Variants in KIAA0586 observed in about 807,000 individuals in gnomAD.
The protein encoded by KIAA0586 is protein TALPID3.
KIAA0586 carries 144 observed loss-of-function variants against 169.8 expected under a neutral mutation model. The observed-to-expected ratio is 0.85, with a 90% CI of 0.74 to 0.97. KIAA0586 has a LOEUF of 0.97. Among genes scored for constraint, KIAA0586 ranks in the 50% least tolerant of loss-of-function variants. The probability of loss-of-function intolerance (pLI) is 0.00; values close to 1 mark genes in which losing one functional copy is unlikely to be tolerated. For missense variants in KIAA0586, 1,854 were observed against 1,823.0 expected (o/e 1.02, Z -0.31); for synonymous variants, 625 against 612.4 (o/e 1.02, Z -0.30).
At chr14:58,480,082 C>T (rs1035576964) in intron 20 of KIAA0586, among the ~76,000 whole-genome samples, 6 of 151,934 alleles carry the variant, frequency 3.9e-5, no homozygotes, top group African/African-American at 1.2e-4. Context: ...TTTAACAGCC[C>T]GAATCCTAGA....
At chr14:58,531,448 C>T (rs568890930) in intron 29 of KIAA0586, among the ~76,000 whole-genome samples, 6 of 152,272 alleles carry the variant, frequency 3.9e-5, no homozygotes, top group Non-Finnish European at 8.8e-5. Context: ...GGCTCATCAT[C>T]ACTGCTCATT....
intron 4 of KIAA0586, chr14:58,441,067 T>C (rs1466343666): frequency 5.2e-6 from 1 of 191,556 alleles, no homozygotes; most frequent in African/African-American, 2.3e-5. Context: ...CGTTTTACAA[T>C]GTATACATAT....
chr14:58,440,482 C>T (rs933465394), intron 4 of KIAA0586, among the ~76,000 whole-genome samples: 15 of 152,184 alleles, frequency 9.9e-5, no homozygotes, highest in Non-Finnish European at 1.9e-4. Context: ...CAGGCTCCCG[C>T]CATCACGCCT....
Position 58,442,850 on chromosome 14 carries a change from T to C in KIAA0586, c.555T>C (p.Ala185=). Residue 185 remains alanine (A), a synonymous_variant, in exon 5 of 31, where the codon GCT becomes GCC. Coordinates refer to ENST00000652326, the MANE Select transcript of KIAA0586 (RefSeq NM_001329943.3). ...SATTVAAATA[A]AIATAAPLIK... ...CAACCGTGGCTGCAGCAACTGCTGC[T>C]GCCATTGCAACCGCAGCTCCGTTGA... 10 of 1,609,338 alleles carry C rather than the reference T, an allele frequency of 6.2e-6. No homozygotes were observed. The highest frequency in any genetic ancestry group is 7.6e-6 in the Non-Finnish European group (9 of 1,177,810).
chr14:58,495,461 G>C (rs571973649), intron 26 of KIAA0586, among the ~76,000 whole-genome samples: 1 of 151,866 alleles, frequency 6.6e-6, no homozygotes, highest in East Asian at 1.9e-4. Flanking sequence ...ACCATACCTA[G>C]CTAATTTTTT....
intron 29 of KIAA0586, among the ~76,000 whole-genome samples, chr14:58,516,143 AGTCACAG>A (rs2044737735): frequency 6.6e-6 from 1 of 152,212 alleles, no homozygotes; most frequent in Admixed American, 6.5e-5. Flanking sequence ...AACCATTGGT[AGTCACAG>A]ATACAAGTGG....
intron 19 of KIAA0586, among the ~76,000 whole-genome samples, chr14:58,475,081 A>G (rs1029084152): frequency 3.3e-5 from 5 of 152,222 alleles, no homozygotes; most frequent in Non-Finnish European, 7.3e-5. Context: ...TCATTTCCAG[A>G]AACTTATCCT....
At chr14:58,486,584 T>C (rs901146905) in intron 21 of KIAA0586, among the ~76,000 whole-genome samples, 1 of 152,152 alleles carries the variant, frequency 6.6e-6, no homozygotes, top group Non-Finnish European at 1.5e-5. Flanking sequence ...TCAGAATGGC[T>C]ATTATTAAAA....
At chr14:58,448,252 T>C in intron 6 of KIAA0586, 88 bp from the exon 7 acceptor site, 1 of 843,184 alleles carries the variant, frequency 1.2e-6, no homozygotes, top group Non-Finnish European at 1.8e-6. Context: ...GTAAATTATG[T>C]TTAACTCCTC....
intron 21 of KIAA0586, among the ~76,000 whole-genome samples, chr14:58,483,566 GT>G (rs986644716): frequency 2.0e-4 from 30 of 150,912 alleles, no homozygotes; most frequent in African/African-American, 6.1e-4. Context: ...ATCCTTTACA[GT>G]TTTTTTTTAA....
At chr14:58,498,076 A>C (rs1257079458) in intron 26 of KIAA0586, among the ~76,000 whole-genome samples, 2 of 151,404 alleles carry the variant, frequency 1.3e-5, no homozygotes, top group Non-Finnish European at 2.9e-5. Context: ...ACGGGGTTTC[A>C]CCATGTTGGC....
intron 30 of KIAA0586, among the ~76,000 whole-genome samples, chr14:58,542,019 A>G (rs2046663454): frequency 6.6e-6 from 1 of 152,322 alleles, no homozygotes. Flanking sequence ...GTGATTTATT[A>G]AAATGTTATG....
At chr14:58,500,411 A>G (rs1473474082) in intron 27 of KIAA0586, among the ~76,000 whole-genome samples, 1 of 152,208 alleles carries the variant, frequency 6.6e-6, no homozygotes, top group Non-Finnish European at 1.5e-5. Flanking sequence ...TTTTGTGCTT[A>G]GAAACACTAG....
At chr14:58,493,716 A>T (rs1362328188) in intron 26 of KIAA0586, among the ~76,000 whole-genome samples, 1 of 152,252 alleles carries the variant, frequency 6.6e-6, no homozygotes, top group Non-Finnish European at 1.5e-5. Context: ...GCAATAGATC[A>T]TTTCACTGGA....
rs957126775 is a variant in KIAA0586, at chr14:58,465,473, C to A, written c.2060-362C>A. On this transcript the variant is annotated intron_variant, in intron 14 of 30. Coordinates refer to ENST00000652326, the MANE Select transcript of KIAA0586 (RefSeq NM_001329943.3). Reference sequence around the variant, plus strand: ...TATCTATTTTGTCACAGTAGCTGTACAAGTTGTATGTCTATTCAGGGGCTG... The same window carrying A: ...TATCTATTTTGTCACAGTAGCTGTAAAAGTTGTATGTCTATTCAGGGGCTG... Among the ~76,000 whole-genome samples the A allele has an allele frequency of 2.6e-5, 4 of 152,152 alleles. No individual in the cohort carries two copies. The East Asian group carries it at 7.7e-4, about 29-fold the overall frequency.
rs1566804084 is a variant in KIAA0586, at chr14:58,448,429, AC to A, written c.899del (p.Pro300GlnfsTer24). The A allele has an allele frequency of 6.2e-7, 1 of 1,612,642 alleles. No individual in the cohort carries two copies. Among genetic ancestry groups the A allele is most frequent in the East Asian group, 2.2e-5 (1 of 44,830 alleles). On this transcript the variant is annotated frameshift_variant, in exon 7 of 31. Transcript: ENST00000652326. LOFTEE classifies it high-confidence loss of function. ...GAGCAGTGGAAAAGTATTCCGTAAA[AC>A]CAGAACACCCTAATCTTGGTAGCTG... ...SRAVEKYSVKPEHPNLGSCNP... is the reference protein window; with the variant it reads ...SRAVEKYSVKXEHPNLGSCNP...
At chr14:58,437,394 G>T (rs2140472508) in intron 4 of KIAA0586, among the ~76,000 whole-genome samples, 1 of 152,236 alleles carries the variant, frequency 6.6e-6, no homozygotes, top group South Asian at 2.1e-4. Flanking sequence ...ATGTGGGTAA[G>T]AAGTGTTCAG....
At chr14:58,444,931 A>G (rs1365138334) in intron 6 of KIAA0586, among the ~76,000 whole-genome samples, 3 of 150,984 alleles carry the variant, frequency 2.0e-5, no homozygotes, top group Non-Finnish European at 4.4e-5. Flanking sequence ...AAAAAAAAAA[A>G]AAAAAAAAAA....
Position 58,428,376 on chromosome 14 carries a change from G to T in KIAA0586, c.112G>T (p.Asp38Tyr), listed in dbSNP as rs2037033923. Residue 38 changes from aspartate (D) to tyrosine (Y), a missense_variant, in exon 1 of 31, where the codon GAT becomes TAT. Asp to Tyr is a radical substitution (Grantham distance 160, BLOSUM62 -3). Coordinates refer to ENST00000652326, the MANE Select transcript of KIAA0586 (RefSeq NM_001329943.3). ...TGGAGATCATTTGGTTTTGCTGAAA[G>T]ATGAGTTGCCCTGTGTTCCTCCGGC... is the stretch of plus-strand genomic sequence containing the variant. ...NHGDHLVLLKDELPCVPPALS... is the reference protein window; with the variant it reads ...NHGDHLVLLKYELPCVPPALS... The T allele has an allele frequency of 6.2e-7, 1 of 1,613,872 alleles. No homozygotes were observed. Among genetic ancestry groups the T allele is most frequent in the East Asian group, 2.2e-5 (1 of 44,892 alleles).
Sources: allele counts gnomAD v4.1 joint callset (sites outside exome capture counted in the v4.1 genomes callset), GRCh38; gene constraint gnomAD v4.1.1; transcripts MANE v1.5; gene names NCBI Gene and HGNC (gene_info 2026-07-23, HGNC 2026-07-21).